The following UBE2L3 variants were observed in gnomAD, a reference collection of about 807,000 sequenced individuals.
UBE2L3 encodes the protein ubiquitin conjugating enzyme E2 L3.
Under a neutral mutation model 17.8 loss-of-function variants are expected in UBE2L3, and 1 was observed. The ratio of observed to expected loss-of-function variants is 0.06; its 90% CI spans 0.02 to 0.27. The LOEUF (loss-of-function observed/expected upper bound fraction) is 0.27, where lower values mean the gene tolerates loss of function less well. UBE2L3 is among the 10% of genes least tolerant of loss of function. The pLI, the probability that UBE2L3 is intolerant of heterozygous loss-of-function variation, is 1.00. For missense variants in UBE2L3, 40 were observed against 192.6 expected (o/e 0.21, Z 4.69); for synonymous variants, 44 against 68.5 (o/e 0.64, Z 1.76).
intron 2 of UBE2L3, among the ~76,000 whole-genome samples, chr22:21,608,535 T>TA (rs1929297597): frequency 1.3e-5 from 2 of 152,126 alleles, no homozygotes; most frequent in South Asian, 4.1e-4. Context: ...GCAATTCTCC[T>TA]ACCTCAGCCT....
rs1192687712 is a variant in UBE2L3, at chr22:21,576,428, G to A, written c.27+8657G>A. Among the ~76,000 whole-genome samples, 3 of 151,814 alleles carry A rather than the reference G, an allele frequency of 2.0e-5. No homozygotes were observed. In the South Asian group the frequency reaches 6.2e-4, roughly 32 times the overall value. On this transcript the variant is annotated intron_variant, in intron 1 of 3. Transcript: ENST00000342192. ...TTCTTCTGCCTCAGCCTCCCGAGTA[G>A]CCAGGACTACAAGTGCCCGCCACCA...
At chr22:21,585,158 T>TA (rs1233197935) in intron 1 of UBE2L3, among the ~76,000 whole-genome samples, 2 of 152,158 alleles carry the variant, frequency 1.3e-5, no homozygotes, top group Non-Finnish European at 2.9e-5. Context: ...TTATTTGATG[T>TA]GGTCTTCTAA....
intron 2 of UBE2L3, among the ~76,000 whole-genome samples, chr22:21,608,782 A>G (rs548648698): frequency 1.6e-5 from 1 of 64,380 alleles, no homozygotes; most frequent in South Asian, 4.7e-4. Context: ...GGGTCTTGTT[A>G]TGTTTCACAA....
intron 3 of UBE2L3, among the ~76,000 whole-genome samples, chr22:21,621,065 A>G (rs1278240855): frequency 6.6e-6 from 1 of 152,146 alleles, no homozygotes; most frequent in Non-Finnish European, 1.5e-5. Context: ...TGGGGGACTG[A>G]GGCTGGAGGA....
chr22:21,599,001 G>A (rs1031533627), intron 2 of UBE2L3, among the ~76,000 whole-genome samples: 10 of 151,624 alleles, frequency 6.6e-5, no homozygotes, highest in African/African-American at 2.2e-4. Context: ...CACCACGCTC[G>A]GCTAATTCTT....
chr22:21,616,396 A>G (rs1351423137), intron 3 of UBE2L3, among the ~76,000 whole-genome samples: 3 of 152,094 alleles, frequency 2.0e-5, no homozygotes, highest in African/African-American at 7.2e-5. Context: ...CACGCCTGTA[A>G]TCCCAGCACT....
At chr22:21,560,945 A>C (rs1406157084) in intron 1 of UBE2L3, among the ~76,000 whole-genome samples, 1 of 152,302 alleles carries the variant, frequency 6.6e-6, no homozygotes, top group East Asian at 1.9e-4. Context: ...TAATGTGTTA[A>C]TTTCTTCATT....
chr22:21,609,733 A>C (rs1055845301), intron 2 of UBE2L3, among the ~76,000 whole-genome samples: 1 of 151,942 alleles, frequency 6.6e-6, no homozygotes, highest in Non-Finnish European at 1.5e-5. Flanking sequence ...AGTGGGGGAA[A>C]AACAAGTAAC....
intron 3 of UBE2L3, chr22:21,614,427 CA>C (rs3831682): frequency 0.19 from 78,297 of 403,094 alleles, 25 homozygotes; most frequent in South Asian, 0.24. Context: ...CCGTCTGTAC[CA>C]AAAAAAAAAA....
intron 2 of UBE2L3, among the ~76,000 whole-genome samples, chr22:21,605,775 G>A (rs866527096): frequency 1.2e-4 from 18 of 152,318 alleles, no homozygotes; most frequent in South Asian, 2.1e-4. Context: ...CAAAGTGTTG[G>A]GATTACAGGC....
At chr22:21,618,861 G>A (rs1203070947) in intron 3 of UBE2L3, among the ~76,000 whole-genome samples, 1 of 152,126 alleles carries the variant, frequency 6.6e-6, no homozygotes, top group Non-Finnish European at 1.5e-5. Context: ...CAAAGTGCTG[G>A]GAATACAGGT....
chr22:21,599,194 C>T (rs779059316), intron 2 of UBE2L3, among the ~76,000 whole-genome samples: 3 of 152,176 alleles, frequency 2.0e-5, no homozygotes, highest in Non-Finnish European at 4.4e-5. Context: ...CTCCTTTCTG[C>T]ATTGCCCCTC....
At chr22:21,616,523 G>C (rs1929783109) in intron 3 of UBE2L3, among the ~76,000 whole-genome samples, 2 of 151,750 alleles carry the variant, frequency 1.3e-5, no homozygotes, top group Non-Finnish European at 2.9e-5. Flanking sequence ...ACGGTGGCGT[G>C]CACCTGTAGT....
At chr22:21,598,776 C>T (rs965316867) in intron 2 of UBE2L3, among the ~76,000 whole-genome samples, 3 of 151,162 alleles carry the variant, frequency 2.0e-5, no homozygotes, top group Non-Finnish European at 2.9e-5. Flanking sequence ...TCAAGCGATC[C>T]TCCTGCCTCA....
intron 1 of UBE2L3, among the ~76,000 whole-genome samples, chr22:21,570,843 A>G (rs756967658): frequency 1.6e-4 from 24 of 152,222 alleles, no homozygotes; most frequent in Non-Finnish European, 1.0e-4. Context: ...AGGCATAGCA[A>G]TCTAGCAAAT....
intron 3 of UBE2L3, among the ~76,000 whole-genome samples, chr22:21,620,869 C>CCGAG (rs1194295364): frequency 4.6e-5 from 7 of 152,142 alleles, no homozygotes; most frequent in Admixed American, 6.6e-5. Context: ...CTTCCCTGAG[C>CCGAG]CGAGCATGGT....
chr22:21,588,456 C>CTTCT (rs1213963218), intron 1 of UBE2L3, among the ~76,000 whole-genome samples: 3 of 137,886 alleles, frequency 2.2e-5, no homozygotes, highest in African/African-American at 8.2e-5. Flanking sequence ...TCCAATTTTT[C>CTTCT]TTCTTTCTTT....
rs143260379 is a variant in UBE2L3 at position 21,605,452 on chromosome 22, C to T, written c.124-5405C>T. On this transcript the variant is annotated intron_variant, in intron 2 of 3. Transcript: ENST00000342192. ...CAGGATGGTCTCGATCTCCTGATCT[C>T]GTGATCCACCTGCCTCGGCCTTTTT... Among the ~76,000 whole-genome samples, 532 of 152,220 alleles carry T rather than the reference C, an allele frequency of 3.5e-3. 4 individuals carry two copies. Among genetic ancestry groups the T allele is most frequent in the African/African-American group, 0.012 (502 of 41,542 alleles).
chr22:21,558,586 G>C (rs1213278925), intron 1 of UBE2L3, among the ~76,000 whole-genome samples: 2 of 139,644 alleles, frequency 1.4e-5, no homozygotes, highest in African/African-American at 2.7e-5. Flanking sequence ...AGCCAAGATA[G>C]CACCACTGCA....
Sources: allele counts gnomAD v4.1 joint callset (sites outside exome capture counted in the v4.1 genomes callset), GRCh38; gene constraint gnomAD v4.1.1; transcripts MANE v1.5; gene names NCBI Gene and HGNC (gene_info 2026-07-23, HGNC 2026-07-21).